The following SH3PXD2A variants were observed in gnomAD, a reference collection of about 807,000 sequenced individuals.
SH3PXD2A encodes SH3 and PX domain-containing protein 2A.
A neutral mutation model predicts 115.2 loss-of-function variants in SH3PXD2A; 32 were observed. That is an observed-to-expected ratio of 0.28 (90% CI 0.21 to 0.37). The LOEUF (loss-of-function observed/expected upper bound fraction) is 0.37. Among genes scored for constraint, SH3PXD2A ranks in the 10% least tolerant of loss-of-function variants. The pLI is 1.00. For synonymous variants in SH3PXD2A, 610 were observed against 629.1 expected, an observed-to-expected ratio of 0.97 and a Z score of 0.45; for missense variants, 1,328 against 1,498.7, an observed-to-expected ratio of 0.89 and a Z score of 1.88.
At chr10:103,819,837 G>C (rs574242395) in intron 1 of SH3PXD2A, among the ~76,000 whole-genome samples, 31 of 152,108 alleles carry the variant, frequency 2.0e-4, no homozygotes, top group Non-Finnish European at 4.1e-4. Flanking sequence ...CCTAGAGGAG[G>C]GGGGGAGATG....
intron 8 of SH3PXD2A, 127 bp downstream of exon 8, chr10:103,660,856 G>GCC (rs1463583162): frequency 9.3e-7 from 1 of 1,077,318 alleles, no homozygotes; most frequent in East Asian, 2.4e-5. Context: ...AGCCGCCTCG[G>GCC]CCCTCTCTCT....
intron 4 of SH3PXD2A, among the ~76,000 whole-genome samples, chr10:103,729,078 T>C (rs1278396068): frequency 6.6e-6 from 1 of 152,120 alleles, no homozygotes. Context: ...GTATTTTTAG[T>C]AGAGACGGGG....
intron 2 of SH3PXD2A, among the ~76,000 whole-genome samples, chr10:103,798,054 G>A (rs1489823953): frequency 6.6e-6 from 1 of 152,146 alleles, no homozygotes; most frequent in East Asian, 1.9e-4. Flanking sequence ...GTGGGAACCC[G>A]AGGCCGCCTC....
chr10:103,796,349 C>T (rs1012036862), intron 2 of SH3PXD2A, among the ~76,000 whole-genome samples: 2 of 147,560 alleles, frequency 1.4e-5, no homozygotes, highest in Non-Finnish European at 3.0e-5. Context: ...GGCGACACAG[C>T]GAGACCCTGT....
intron 4 of SH3PXD2A, among the ~76,000 whole-genome samples, chr10:103,726,837 C>A (rs2038247181): frequency 6.6e-6 from 1 of 152,170 alleles, no homozygotes; most frequent in African/African-American, 2.4e-5. Context: ...CACACCCAGG[C>A]AAGATGAGGT....
At chr10:103,733,372 G>A (rs1447138603) in intron 4 of SH3PXD2A, among the ~76,000 whole-genome samples, 3 of 152,210 alleles carry the variant, frequency 2.0e-5, no homozygotes, top group Non-Finnish European at 4.4e-5. Flanking sequence ...GATGCCTTGG[G>A]CTGGCTAATC....
intron 5 of SH3PXD2A, among the ~76,000 whole-genome samples, chr10:103,701,671 TCATC>T: frequency 7.0e-6 from 1 of 143,676 alleles, no homozygotes; most frequent in Non-Finnish European, 1.5e-5. Context: ...CATCCATCCA[TCATC>T]CATCCATCCA....
rs148281736 is a variant in SH3PXD2A at position 103,775,301 on chromosome 10, C to T, written c.154-8132G>A. Among the ~76,000 whole-genome samples the T allele has an allele frequency of 4.0e-3, 606 of 152,284 alleles. 5 individuals carry two copies. Among genetic ancestry groups the T allele is most frequent in the African/African-American group, 0.014 (582 of 41,556 alleles). Reference sequence around the variant, plus strand: ...CCCAACCAGGCCTTTACCACATCAGCAGGTTTCAGGAGTGTCAGTCATGGT... The same window carrying T: ...CCCAACCAGGCCTTTACCACATCAGTAGGTTTCAGGAGTGTCAGTCATGGT... On this transcript the variant is annotated intron_variant, in intron 2 of 14. Transcript: ENST00000369774.
intron 7 of SH3PXD2A, among the ~76,000 whole-genome samples, chr10:103,661,352 G>A (rs1032079480): frequency 6.6e-6 from 1 of 152,270 alleles, no homozygotes; most frequent in South Asian, 2.1e-4. Context: ...AGGGGGCCGG[G>A]GAGGGGACGG....
intron 9 of SH3PXD2A, among the ~76,000 whole-genome samples, chr10:103,622,774 C>G (rs1368842486): frequency 6.6e-6 from 1 of 152,180 alleles, no homozygotes; most frequent in African/African-American, 2.4e-5. Flanking sequence ...CAACCAAACT[C>G]CACAGCGTGT....
chr10:103,649,418 C>T (rs564305381), intron 8 of SH3PXD2A, among the ~76,000 whole-genome samples: 38 of 152,206 alleles, frequency 2.5e-4, no homozygotes, highest in Non-Finnish European at 4.9e-4. Flanking sequence ...CTTCCTCCCT[C>T]GATGGCACGC....
chr10:103,637,100 C>A (rs962396675), intron 8 of SH3PXD2A, among the ~76,000 whole-genome samples: 1 of 152,190 alleles, frequency 6.6e-6, no homozygotes, highest in Non-Finnish European at 1.5e-5. Context: ...GTTCCAGGCA[C>A]GAGGACACTG....
intron 1 of SH3PXD2A, among the ~76,000 whole-genome samples, chr10:103,803,824 T>G (rs1266142092): frequency 1.3e-5 from 2 of 152,212 alleles, no homozygotes; most frequent in African/African-American, 4.8e-5. Context: ...CCTGATGACA[T>G]GTGCCCAAGG....
intron 3 of SH3PXD2A, among the ~76,000 whole-genome samples, chr10:103,747,992 G>A (rs2038527181): frequency 6.6e-6 from 1 of 151,878 alleles, no homozygotes; most frequent in African/African-American, 2.4e-5. Flanking sequence ...TGGCAAAACT[G>A]AGCCCAGACA....
chr10:103,650,770 C>T (rs1324232689), intron 8 of SH3PXD2A, among the ~76,000 whole-genome samples: 1 of 152,246 alleles, frequency 6.6e-6, no homozygotes, highest in East Asian at 1.9e-4. Flanking sequence ...TCCTCAGCCA[C>T]ACTTTGCTTT....
At chr10:103,691,018 T>G (rs1459824041) in intron 6 of SH3PXD2A, among the ~76,000 whole-genome samples, 1 of 152,212 alleles carries the variant, frequency 6.6e-6, no homozygotes, top group African/African-American at 2.4e-5. Flanking sequence ...GGAGGCAGCC[T>G]GGGTGTGGCC....
intron 5 of SH3PXD2A, among the ~76,000 whole-genome samples, chr10:103,712,104 T>C (rs2038053964): frequency 6.6e-6 from 1 of 151,928 alleles, no homozygotes. Flanking sequence ...TGGGATCTTT[T>C]AAGGGAGATG....
intron 1 of SH3PXD2A, among the ~76,000 whole-genome samples, chr10:103,824,884 C>A (rs776002847): frequency 2.6e-5 from 4 of 152,186 alleles, no homozygotes; most frequent in Admixed American, 2.0e-4. Context: ...CTCACTGCAA[C>A]CTCCACCTCC....
At chr10:103,622,656 A>G in intron 9 of SH3PXD2A, 103 bp from the exon 10 acceptor site, 25 of 442,074 alleles carry the variant, frequency 5.7e-5, no homozygotes, top group Non-Finnish European at 8.1e-5. Context: ...GGGCACAGGG[A>G]GGGGAGGCCC....
Sources: allele counts gnomAD v4.1 joint callset (sites outside exome capture counted in the v4.1 genomes callset), GRCh38; gene constraint gnomAD v4.1.1; transcripts MANE v1.5; gene names NCBI Gene and HGNC (gene_info 2026-07-23, HGNC 2026-07-21).